Variants in PCSK5 observed in about 807,000 individuals in gnomAD.
PCSK5 encodes proprotein convertase subtilisin/kexin type 5.
A neutral mutation model predicts 233.2 loss-of-function variants in PCSK5; 129 were observed. The observed-to-expected ratio is 0.55, with a 90% CI of 0.48 to 0.64. PCSK5 has a LOEUF of 0.64. PCSK5 is among the 30% of genes least tolerant of loss of function. The probability of loss-of-function intolerance (pLI) is 0.00; values close to 1 mark genes in which losing one functional copy is unlikely to be tolerated. For missense variants in PCSK5, 2,076 were observed against 2,430.1 expected (o/e 0.85, Z 3.06); for synonymous variants, 825 against 879.2 (o/e 0.94, Z 1.09).
At chr9:76,340,757 C>T (rs1829809038) in intron 35 of PCSK5, among the ~76,000 whole-genome samples, 2 of 151,686 alleles carry the variant, frequency 1.3e-5, no homozygotes, top group South Asian at 2.1e-4. Context: ...TTGTATCCTA[C>T]CTACTCTTTT....
intron 24 of PCSK5, among the ~76,000 whole-genome samples, chr9:76,291,091 C>T (rs766012580): frequency 2.2e-4 from 33 of 152,216 alleles, no homozygotes; most frequent in African/African-American, 2.2e-4. Flanking sequence ...TCTGCAGATC[C>T]CTGCTTTAAT....
chr9:76,133,288 C>T (rs938458714), intron 9 of PCSK5, among the ~76,000 whole-genome samples: 3 of 152,006 alleles, frequency 2.0e-5, no homozygotes, highest in Non-Finnish European at 2.9e-5. Context: ...TGCATGCATG[C>T]GCTGAGTCAA....
intron 20 of PCSK5, among the ~76,000 whole-genome samples, chr9:76,225,607 A>G (rs1825865093): frequency 6.6e-6 from 1 of 152,176 alleles, no homozygotes; most frequent in Non-Finnish European, 1.5e-5. Context: ...TCCTACAACA[A>G]TAGTGGAAGC....
intron 7 of PCSK5, among the ~76,000 whole-genome samples, chr9:76,078,099 G>A (rs527440976): frequency 1.1e-4 from 16 of 152,252 alleles, no homozygotes; most frequent in South Asian, 2.1e-4. Flanking sequence ...ATTGAGAAGC[G>A]TCTGTTCATG....
intron 32 of PCSK5, among the ~76,000 whole-genome samples, chr9:76,326,947 G>C (rs546446911): frequency 6.6e-6 from 1 of 152,270 alleles, no homozygotes; most frequent in Admixed American, 6.5e-5. Flanking sequence ...AGAATTGCAG[G>C]CAGACAGAAT....
intron 8 of PCSK5, among the ~76,000 whole-genome samples, chr9:76,099,753 G>A (rs527653412): frequency 1.3e-5 from 2 of 152,196 alleles, no homozygotes; most frequent in South Asian, 2.1e-4. Flanking sequence ...GGTGATGCCC[G>A]CATCCTGTTA....
At chr9:76,199,880 A>G (rs997658520) in intron 20 of PCSK5, among the ~76,000 whole-genome samples, 5 of 152,114 alleles carry the variant, frequency 3.3e-5, no homozygotes, top group African/African-American at 4.8e-5. Flanking sequence ...CTCAAAATTA[A>G]CACGTCCAAA....
intron 20 of PCSK5, among the ~76,000 whole-genome samples, chr9:76,216,194 G>C (rs1239673617): frequency 6.6e-6 from 1 of 152,152 alleles, no homozygotes. Flanking sequence ...CCATATGGTG[G>C]AGGGAGACAG....
chr9:76,121,769 A>G (rs1262999955), intron 9 of PCSK5, among the ~76,000 whole-genome samples: 1 of 151,860 alleles, frequency 6.6e-6, no homozygotes, highest in Non-Finnish European at 1.5e-5. Context: ...CCATTTTTAG[A>G]AGAAATCCCA....
chr9:76,332,376 C>T, intron 33 of PCSK5, 57 bp from the exon 34 acceptor site: 1 of 1,343,872 alleles, frequency 7.4e-7, no homozygotes, highest in Non-Finnish European at 1.1e-6. Flanking sequence ...AGGGAAAATA[C>T]AGGGGAGACA....
At chr9:76,098,402 A>T (rs1207508550) in intron 8 of PCSK5, among the ~76,000 whole-genome samples, 1 of 152,138 alleles carries the variant, frequency 6.6e-6, no homozygotes, top group Admixed American at 6.5e-5. Context: ...GCCCCACTGA[A>T]ATTTTGCCTC....
intron 34 of PCSK5, among the ~76,000 whole-genome samples, chr9:76,334,090 C>T (rs754506990): frequency 2.6e-5 from 4 of 151,994 alleles, no homozygotes; most frequent in Non-Finnish European, 5.9e-5. Context: ...TAGCGGCAGG[C>T]AAAGAGAGAG....
At chr9:76,289,490 C>CGCA (rs1828202515) in intron 24 of PCSK5, among the ~76,000 whole-genome samples, 3 of 131,684 alleles carry the variant, frequency 2.3e-5, no homozygotes, top group Middle Eastern at 3.7e-3. Context: ...CACACACACA[C>CGCA]ACACACACAC....
At chr9:76,096,431 C>T (rs1032880718) in intron 8 of PCSK5, among the ~76,000 whole-genome samples, 5 of 152,098 alleles carry the variant, frequency 3.3e-5, no homozygotes, top group African/African-American at 1.2e-4. Context: ...CTGACTCAGT[C>T]CTGTACTCCT....
intron 5 of PCSK5, among the ~76,000 whole-genome samples, chr9:76,042,141 T>G (rs923772677): frequency 6.6e-6 from 1 of 152,202 alleles, no homozygotes; most frequent in Non-Finnish European, 1.5e-5. Context: ...GGCAAGATCA[T>G]TGCCCCCTTT....
chr9:75,909,636 G>A (rs544780085), intron 1 of PCSK5, among the ~76,000 whole-genome samples: 5 of 152,072 alleles, frequency 3.3e-5, no homozygotes, highest in South Asian at 2.1e-4. Flanking sequence ...CAGAGGTTGC[G>A]GTGAGCTGAG....
intron 1 of PCSK5, among the ~76,000 whole-genome samples, chr9:75,896,639 A>G (rs1825817825): frequency 6.6e-6 from 1 of 152,222 alleles, no homozygotes; most frequent in Non-Finnish European, 1.5e-5. Flanking sequence ...ATGACAGAAA[A>G]GCTGACTTTA....
intron 5 of PCSK5, among the ~76,000 whole-genome samples, chr9:76,038,992 G>C (rs1015804015): frequency 6.6e-6 from 1 of 152,124 alleles, no homozygotes; most frequent in Non-Finnish European, 1.5e-5. Flanking sequence ...CATGGAGCGC[G>C]GGAACAATAC....
intron 35 of PCSK5, among the ~76,000 whole-genome samples, chr9:76,342,614 G>T (rs1032392894): frequency 1.3e-5 from 2 of 152,198 alleles, no homozygotes; most frequent in African/African-American, 4.8e-5. Context: ...CCATCTCCAA[G>T]TTTAAGGTGG....
Sources: gnomAD v4.1 joint callset for allele counts (sites outside exome capture counted in the v4.1 genomes callset) on GRCh38, gnomAD v4.1.1 for gene constraint, MANE v1.5 for transcripts, NCBI Gene and HGNC (gene_info 2026-07-23, HGNC 2026-07-21) for gene names.